Variants in TCHP observed in about 807,000 individuals in gnomAD.
TCHP encodes the protein trichoplein keratin filament-binding protein.
In TCHP, 81 loss-of-function variants were observed where a neutral mutation model predicts 88.7. The observed-to-expected ratio is 0.91, with a 90% CI of 0.76 to 1.10. TCHP has a LOEUF of 1.10. Among genes scored for constraint, TCHP ranks in the 50% least tolerant of loss-of-function variants. The probability of loss-of-function intolerance (pLI) is 0.00; values close to 1 mark genes in which losing one functional copy is unlikely to be tolerated. For synonymous variants in TCHP, 232 were observed against 232.5 expected (o/e 1.00, Z 0.02); for missense variants, 641 against 632.1 (o/e 1.01, Z -0.15).
At chr12:109,888,429 A>T in the TCHP span, 1 of 152,200 alleles carries the variant, frequency 6.6e-6, no homozygotes, top group Non-Finnish European at 1.5e-5. Flanking sequence ...AGCTTGACCA[A>T]TGGAGTTGTA....
the TCHP span, among the ~76,000 whole-genome samples, chr12:109,883,390 G>A: frequency 4.1e-4 from 62 of 152,212 alleles, no homozygotes; most frequent in African/African-American, 1.4e-3. Context: ...TTCAAACCAT[G>A]ACCCAGGTAG....
chr12:109,898,398 C>T (rs765712257), upstream of TCHP, among the ~76,000 whole-genome samples: 9 of 152,114 alleles, frequency 5.9e-5, 1 homozygote, highest in African/African-American at 4.8e-5. Context: ...TTAGTAGAGA[C>T]GGGGGTTTCA....
At chr12:109,909,039 T>A in intron 8 of TCHP, 102 bp downstream of exon 8, 1 of 1,143,820 alleles carries the variant, frequency 8.7e-7, no homozygotes, top group Non-Finnish European at 1.3e-6. Flanking sequence ...ATGAAGACAG[T>A]GAGGGGTTGG....
intron 10 of TCHP, 95 bp from the exon 11 acceptor site, chr12:109,914,347 G>A: frequency 8.6e-7 from 1 of 1,160,658 alleles, no homozygotes; most frequent in Admixed American, 2.4e-5. Flanking sequence ...GGATGAGGCT[G>A]GGCCTTGCTG....
intron 6 of TCHP, 145 bp downstream of exon 6, chr12:109,907,844 A>C: frequency 1.2e-6 from 1 of 821,552 alleles, no homozygotes. Flanking sequence ...TCCCTCTCAC[A>C]TGCATCCCCA....
At chr12:109,898,546 T>C (rs149251631), upstream of TCHP, among the ~76,000 whole-genome samples, 459 of 152,200 alleles carry the variant, frequency 3.0e-3, 2 homozygotes, top group Non-Finnish European at 5.6e-3. Context: ...TTCCATGGAC[T>C]AGGAAGCTGA....
At chr12:109,884,913 C>T in the TCHP span, among the ~76,000 whole-genome samples, 1 of 152,336 alleles carries the variant, frequency 6.6e-6, no homozygotes, top group African/African-American at 2.4e-5. Context: ...GTACGGCTAC[C>T]ACCTAATCCT....
Position 109,914,395 on chromosome 12 carries a change from T to C in TCHP, c.1135-47T>C, listed in dbSNP as rs1870675568. On this transcript the variant is annotated intron_variant, in intron 10 of 12. Coordinates refer to ENST00000405876, the MANE Select transcript of TCHP (RefSeq NM_001143852.2). ...GTCCAAGGCTTGTAGAACCAGGATC[T>C]GTTAGGGTCAACCTCAAAGCTGCCC... 6 of 1,547,300 alleles carry C rather than the reference T, an allele frequency of 3.9e-6. No homozygotes were observed. In the African/African-American group the frequency reaches 8.2e-5, roughly 21 times the overall value.
intron 1 of TCHP, chr12:109,901,047 T>G (rs1229417485): frequency 1.3e-5 from 2 of 152,252 alleles, no homozygotes; most frequent in Non-Finnish European, 2.9e-5. Context: ...CTTCTTCATC[T>G]GCAAGATGAA....
intron 12 of TCHP, among the ~76,000 whole-genome samples, chr12:109,915,939 C>T (rs931465673): frequency 6.6e-6 from 1 of 152,128 alleles, no homozygotes; most frequent in Non-Finnish European, 1.5e-5. Flanking sequence ...CACCTCCCCT[C>T]CCTCCCTCCT....
At chr12:109,881,786 C>T in the TCHP span, among the ~76,000 whole-genome samples, 1 of 152,204 alleles carries the variant, frequency 6.6e-6, no homozygotes, top group Non-Finnish European at 1.5e-5. Flanking sequence ...AATCACAAGT[C>T]ATCTCAGCCA....
chr12:109,912,136 A>G (rs1026522990), intron 9 of TCHP, among the ~76,000 whole-genome samples: 2 of 152,202 alleles, frequency 1.3e-5, no homozygotes, highest in Admixed American at 1.3e-4. Context: ...GCTTACATCT[A>G]TAAAACTGAG....
rs766568517 is a variant in TCHP, at chr12:109,904,098, G to A, written c.350G>A (p.Arg117Gln). 8.8e-6 allele frequency: 14 copies of A among 1,593,642 alleles called. No homozygotes were observed. Among genetic ancestry groups the A allele is most frequent in the Middle Eastern group, 3.3e-4 (2 of 6,064 alleles). ...LSMNLQERRI[R>Q]EQHGKLKSAK... ...ATGAACTTGCAGGAAAGAAGAATCC[G>A]GGAGCAGCACGGGAAGCTGAAATCA... Residue 117 changes from arginine (R) to glutamine (Q), a missense_variant, in exon 3 of 13, where the codon CGG becomes CAG. Physicochemically the swap from Arg to Gln is conservative, Grantham distance 43 (BLOSUM62 1). Transcript: ENST00000405876.
the TCHP span, among the ~76,000 whole-genome samples, chr12:109,885,753 T>C: frequency 3.3e-5 from 5 of 151,964 alleles, no homozygotes; most frequent in African/African-American, 4.8e-5. Flanking sequence ...AGTACTGTGA[T>C]TACAAGCGTG....
At chr12:109,913,172 C>A in intron 10 of TCHP, 100 bp downstream of exon 10, 2 of 1,021,660 alleles carry the variant, frequency 2.0e-6, no homozygotes, top group Non-Finnish European at 3.0e-6. Flanking sequence ...GGAACAGAGT[C>A]TTCTCTGGTC....
rs1156709967 is a variant in TCHP, at chr12:109,904,063, G to A, written c.315G>A (p.Leu105=). 6.2e-7 allele frequency: 1 copy of A among 1,604,406 alleles called. No homozygotes were observed. The highest frequency in any genetic ancestry group is 2.2e-5 in the East Asian group (1 of 44,560). ...QDLLARELEE[L]RLSMNLQERR... The stretch of plus-strand genomic sequence containing the variant: ...TGCTGGCCAGAGAACTGGAGGAGCT[G>A]AGGCTGAGCATGAACTTGCAGGAAA... Residue 105 remains leucine (L), a synonymous_variant, in exon 3 of 13, where the codon CTG becomes CTA. Transcript: ENST00000405876.
intron 6 of TCHP, among the ~76,000 whole-genome samples, chr12:109,908,158 C>T (rs1352972875): frequency 1.3e-5 from 2 of 152,112 alleles, no homozygotes; most frequent in African/African-American, 4.8e-5. Context: ...AAGAGGGAGG[C>T]CCATGCTCCT....
upstream of TCHP, among the ~76,000 whole-genome samples, chr12:109,895,390 T>C (rs1401081250): frequency 1.3e-5 from 2 of 151,330 alleles, no homozygotes; most frequent in African/African-American, 4.9e-5. Context: ...AAAAAAAAAT[T>C]TGGGTGGAGA....
Position 109,916,856 on chromosome 12 carries a change from G to C in TCHP, c.*233G>C, listed in dbSNP as rs1490150421. On this transcript the variant is annotated 3_prime_UTR_variant, in exon 13 of 13. Transcript: ENST00000405876. Reference sequence around the variant, plus strand: ...CCAAGCAAGGGTCTTTGATGGGCACGTGTTTACAGCGCTGCTGCATAGTCT... The same window carrying C: ...CCAAGCAAGGGTCTTTGATGGGCACCTGTTTACAGCGCTGCTGCATAGTCT... 5.6e-6 allele frequency: 3 copies of C among 532,846 alleles called. No individual in the cohort carries two copies. The highest frequency in any genetic ancestry group is 3.8e-5 in the Admixed American group (1 of 26,374). The allele number at this position is 532,846 out of a possible 1,614,324, so 33.0% of individuals were successfully genotyped here.
Sources: gnomAD v4.1 joint callset for allele counts (sites outside exome capture counted in the v4.1 genomes callset) on GRCh38, gnomAD v4.1.1 for gene constraint, MANE v1.5 for transcripts, NCBI Gene and HGNC (gene_info 2026-07-23, HGNC 2026-07-21) for gene names.